MAST2: variants seen among roughly 807,000 people sequenced by gnomAD.
The protein encoded by MAST2 is microtubule-associated serine/threonine-protein kinase 2.
A neutral mutation model predicts 147.4 loss-of-function variants in MAST2; 70 were observed. The ratio of observed to expected loss-of-function variants is 0.47; its 90% confidence interval spans 0.39 to 0.58. The LOEUF (loss-of-function observed/expected upper bound fraction) is 0.58, where lower values mean the gene tolerates loss of function less well. MAST2 is among the 20% of genes least tolerant of loss of function. MAST2 has a pLI of 0.00. For missense variants in MAST2, 2,080 were observed against 2,302.3 expected (o/e 0.90, Z 1.98); for synonymous variants, 869 against 896.8 (o/e 0.97, Z 0.55).
Position 46,032,332 on chromosome 1 carries a change from T to C in MAST2, c.3342T>C (p.Tyr1114=), listed in dbSNP as rs1646703999. 6.2e-7 allele frequency: 1 copy of C among 1,614,246 alleles called. No individual in the cohort carries two copies. Among genetic ancestry groups the C allele is most frequent in the Non-Finnish European group, 8.5e-7 (1 of 1,180,046 alleles). Residue 1114 remains tyrosine, a synonymous_variant, in exon 25 of 29, where the codon TAT becomes TAC. Transcript: ENST00000361297. ...TCATCCACCGAGCTGGCAAGAAGTA[T>C]GGCTTCACCCTGCGGGCCATTCGCG... ...PIIIHRAGKK[Y]GFTLRAIRVY... is the part of the protein sequence containing the mutation.
chr1:45,943,401 G>A (rs1339182833), intron 4 of MAST2, among the ~76,000 whole-genome samples: 2 of 152,150 alleles, frequency 1.3e-5, no homozygotes, highest in African/African-American at 4.8e-5. Context: ...TTGATTAAAG[G>A]CCAGATAAAG....
intron 3 of MAST2, among the ~76,000 whole-genome samples, chr1:45,834,240 T>C (rs988909774): frequency 1.3e-5 from 2 of 152,178 alleles, no homozygotes; most frequent in African/African-American, 4.8e-5. Context: ...GTATTGATTT[T>C]TATTTAAATA....
chr1:45,943,152 G>A (rs1657554513), intron 4 of MAST2, among the ~76,000 whole-genome samples: 1 of 152,166 alleles, frequency 6.6e-6, no homozygotes. Context: ...AGACATAATG[G>A]TATGGCCTTG....
Position 46,034,995 on chromosome 1 carries a change from G to A in MAST2, c.4326G>A (p.Pro1442=), listed in dbSNP as rs776898476. The change falls in exon 29 of 29, where the codon CCG becomes CCA. Residue 1442 remains proline (P), a synonymous_variant. Transcript: ENST00000361297. ...ACTCTGAACTAAAGAAGGAACTGCCGCCCAGGGAAGTGAGCCCTCTGGAGG... is the reference window on the plus strand; with the variant it reads ...ACTCTGAACTAAAGAAGGAACTGCCACCCAGGGAAGTGAGCCCTCTGGAGG... ...LPHSELKKEL[P]PREVSPLEVV... is the part of the protein sequence containing the mutation. The A allele has an allele frequency of 3.2e-5, 51 of 1,614,076 alleles. No individual in the cohort carries two copies. The highest frequency in any genetic ancestry group is 6.7e-5 in the Admixed American group (4 of 60,024).
At chr1:45,823,203 C>A (rs1464909830) in intron 1 of MAST2, among the ~76,000 whole-genome samples, 1 of 136,172 alleles carries the variant, frequency 7.3e-6, no homozygotes, top group East Asian at 2.2e-4. Flanking sequence ...GAATTTTTTT[C>A]TTTTTTTTTT....
chr1:45,888,579 G>A (rs1647195067), intron 4 of MAST2, among the ~76,000 whole-genome samples: 1 of 149,652 alleles, frequency 6.7e-6, no homozygotes, highest in African/African-American at 2.5e-5. Flanking sequence ...AGCCAGTATG[G>A]TCTCGATCTG....
At chr1:45,984,912 C>T (rs923720463) in intron 5 of MAST2, among the ~76,000 whole-genome samples, 1 of 152,068 alleles carries the variant, frequency 6.6e-6, no homozygotes, top group African/African-American at 2.4e-5. Context: ...TCTTCAATCA[C>T]ATTGCATTCT....
intron 3 of MAST2, among the ~76,000 whole-genome samples, chr1:45,879,837 A>G (rs1194183720): frequency 1.3e-5 from 2 of 152,214 alleles, no homozygotes; most frequent in African/African-American, 4.8e-5. Context: ...TTAAAGCCAC[A>G]ATGAGATACC....
At chr1:46,024,631 G>A (rs555639931) in intron 15 of MAST2, among the ~76,000 whole-genome samples, 2 of 152,190 alleles carry the variant, frequency 1.3e-5, no homozygotes, top group Non-Finnish European at 1.5e-5. Flanking sequence ...CCAGTAAGAA[G>A]GAAGTAACAT....
intron 17 of MAST2, among the ~76,000 whole-genome samples, chr1:46,028,276 G>C (rs1445668207): frequency 6.6e-6 from 1 of 152,216 alleles, no homozygotes; most frequent in East Asian, 1.9e-4. Flanking sequence ...TATGAGATCA[G>C]TCCTGAATCT....
chr1:45,966,537 CCGGGCCAA>C lies in MAST2; in HGVS notation c.592+7062_592+7069del, dbSNP rs766488110. The stretch of plus-strand genomic sequence containing the variant: ...CTTAAAGTCAGGAGTTCAAGACAAG[CCGGGCCAA>C]CATGGTGAAATGTCGTCTCTACTAA... On this transcript the variant is annotated intron_variant, in intron 5 of 28. Transcript: ENST00000361297. 3.9e-5 allele frequency among the ~76,000 whole-genome samples: 6 copies of C among 152,184 alleles called. No individual in the cohort carries two copies. The South Asian group carries it at 1.2e-3, about 32-fold the overall frequency.
At chr1:45,894,531 G>A (rs942977948) in intron 4 of MAST2, among the ~76,000 whole-genome samples, 36 of 152,198 alleles carry the variant, frequency 2.4e-4, no homozygotes, top group African/African-American at 7.5e-4. Context: ...CAAAATATTT[G>A]CTAACTAGGC....
chr1:45,899,307 C>CTTTTT (rs770069959), intron 4 of MAST2, among the ~76,000 whole-genome samples: 2,524 of 107,874 alleles, frequency 0.023, 71 homozygotes, highest in Middle Eastern at 0.032. Flanking sequence ...CCTTTCTTTT[C>CTTTTT]TTTTTTTTTT....
At chr1:46,015,925 A>G (rs1645918373) in intron 10 of MAST2, among the ~76,000 whole-genome samples, 1 of 152,258 alleles carries the variant, frequency 6.6e-6, no homozygotes, top group Admixed American at 6.5e-5. Context: ...AAAAATCCTC[A>G]ATAAAATACT....
At chr1:45,825,112 G>A (rs763468033) in intron 2 of MAST2, among the ~76,000 whole-genome samples, 4 of 150,852 alleles carry the variant, frequency 2.7e-5, no homozygotes, top group Non-Finnish European at 5.9e-5. Context: ...TGCAAGCTCC[G>A]CCTCCCGGAT....
chr1:45,961,719 T>A (rs1660444202), intron 5 of MAST2, among the ~76,000 whole-genome samples: 1 of 152,176 alleles, frequency 6.6e-6, no homozygotes, highest in Non-Finnish European at 1.5e-5. Flanking sequence ...CAGCACTGAT[T>A]GTTCCACGCA....
intron 4 of MAST2, among the ~76,000 whole-genome samples, chr1:45,921,293 CTA>C (rs1653434866): frequency 6.6e-6 from 1 of 152,182 alleles, no homozygotes; most frequent in Non-Finnish European, 1.5e-5. Context: ...CGTGCCCAGC[CTA>C]TGTCTGTGGT....
At chr1:45,978,960 T>G (rs1409683338) in intron 5 of MAST2, among the ~76,000 whole-genome samples, 36 of 152,340 alleles carry the variant, frequency 2.4e-4, no homozygotes, top group African/African-American at 8.4e-4. Context: ...CATAGCTTTG[T>G]GAATATACTA....
At chr1:46,008,220 G>T in intron 8 of MAST2, 76 bp from the exon 9 acceptor site, 1 of 941,184 alleles carries the variant, frequency 1.1e-6, no homozygotes, top group Non-Finnish European at 1.7e-6. Flanking sequence ...GAGGGGCAGG[G>T]TCTCTGGGGA....
Sources: allele counts gnomAD v4.1 joint callset (sites outside exome capture counted in the v4.1 genomes callset), GRCh38; gene constraint gnomAD v4.1.1; transcripts MANE v1.5; gene names NCBI Gene and HGNC (gene_info 2026-07-23, HGNC 2026-07-21).